Variants in FHIT observed in about 807,000 individuals in gnomAD.
FHIT encodes the protein fragile histidine triad diadenosine triphosphatase, also known as bis(5'-adenosyl)-triphosphatase.
FHIT carries 19 observed loss-of-function variants against 17.9 expected under a neutral mutation model. The observed-to-expected ratio is 1.06, with a 90% confidence interval of 0.74 to 1.56. The LOEUF (loss-of-function observed/expected upper bound fraction) is 1.56. FHIT is among the 40% of genes most tolerant of loss of function. FHIT has a pLI of 0.00. For missense variants in FHIT, 248 were observed against 189.2 expected, an observed-to-expected ratio of 1.31 and a Z score of -1.82; for synonymous variants, 81 against 69.7, an observed-to-expected ratio of 1.16 and a Z score of -0.81.
At chr3:60,452,427 G>A (rs1049938580) in intron 5 of FHIT, among the ~76,000 whole-genome samples, 3 of 151,968 alleles carry the variant, frequency 2.0e-5, no homozygotes, top group African/African-American at 7.3e-5. Context: ...GAAAGTAAGT[G>A]GTAACATAGT....
At chr3:61,198,909 ATGATGATG>A (rs1380638499) in intron 2 of FHIT, among the ~76,000 whole-genome samples, 7 of 149,702 alleles carry the variant, frequency 4.7e-5, no homozygotes, top group African/African-American at 1.5e-4. Flanking sequence ...GATGATGATG[ATGATGATG>A]ATGATGATGA....
chr3:60,410,889 T>C (rs1001235833), intron 5 of FHIT, among the ~76,000 whole-genome samples: 2 of 152,116 alleles, frequency 1.3e-5, no homozygotes, highest in East Asian at 3.9e-4. Context: ...CTCTTTCCTA[T>C]ATGGAGTAAT....
At chr3:60,281,408 A>C (rs1027763798) in intron 5 of FHIT, among the ~76,000 whole-genome samples, 1 of 152,154 alleles carries the variant, frequency 6.6e-6, no homozygotes, top group Non-Finnish European at 1.5e-5. Context: ...AAGTTGAAGG[A>C]GTGATACTAC....
At chr3:59,950,558 C>CTCGTT (rs1366449354) in intron 7 of FHIT, among the ~76,000 whole-genome samples, 4 of 119,196 alleles carry the variant, frequency 3.4e-5, no homozygotes, top group African/African-American at 9.9e-5. Context: ...TGTTTGTTTA[C>CTCGTT]TTGTTTTCTT....
At chr3:60,009,871 T>G (rs1222142519) in intron 7 of FHIT, among the ~76,000 whole-genome samples, 1 of 152,230 alleles carries the variant, frequency 6.6e-6, no homozygotes, top group African/African-American at 2.4e-5. Context: ...AGCAAATATT[T>G]TCTATCCCGC....
At chr3:60,117,271 G>C (rs1359239928) in intron 5 of FHIT, among the ~76,000 whole-genome samples, 1 of 152,050 alleles carries the variant, frequency 6.6e-6, no homozygotes, top group Non-Finnish European at 1.5e-5. Context: ...TGGAATGAAA[G>C]AAGTTGGGTA....
intron 5 of FHIT, among the ~76,000 whole-genome samples, chr3:60,034,897 T>A (rs1428409985): frequency 6.6e-6 from 1 of 152,272 alleles, no homozygotes; most frequent in African/African-American, 2.4e-5. Context: ...GTTTGTTTGA[T>A]GCAAATTAAA....
intron 5 of FHIT, among the ~76,000 whole-genome samples, chr3:60,381,795 T>C (rs1234230360): frequency 7.0e-6 from 1 of 142,070 alleles, no homozygotes; most frequent in Non-Finnish European, 1.5e-5. Flanking sequence ...AGAGGCTTAA[T>C]AGTGTGATGA....
At chr3:60,566,963 T>C (rs1198041484) in intron 4 of FHIT, among the ~76,000 whole-genome samples, 7 of 145,788 alleles carry the variant, frequency 4.8e-5, no homozygotes, top group Non-Finnish European at 9.1e-5. Context: ...TAAAAGAGGA[T>C]ACAAACAAAT....
chr3:59,988,445 T>C (rs1449975236), intron 7 of FHIT, among the ~76,000 whole-genome samples: 2 of 152,094 alleles, frequency 1.3e-5, no homozygotes, highest in Admixed American at 6.6e-5. Flanking sequence ...TTTAAATAAA[T>C]AGACTTTTAC....
intron 4 of FHIT, among the ~76,000 whole-genome samples, chr3:60,774,689 G>A (rs563248908): frequency 6.8e-4 from 103 of 152,226 alleles, no homozygotes; most frequent in African/African-American, 2.4e-3. Flanking sequence ...TTTGTGCTTT[G>A]GAATCATTAG....
At chr3:61,151,466 CTATTAA>C (rs1472940032) in intron 2 of FHIT, among the ~76,000 whole-genome samples, 2 of 152,098 alleles carry the variant, frequency 1.3e-5, no homozygotes, top group African/African-American at 4.8e-5. Context: ...ATGTATATTA[CTATTAA>C]TATGTATCCA....
intron 4 of FHIT, chr3:60,690,652 T>C: frequency 1.9e-6 from 1 of 513,264 alleles, no homozygotes. Flanking sequence ...TGCAAACAGC[T>C]CGAAGGAGAC....
chr3:60,864,458 C>A (rs751887933), intron 3 of FHIT, among the ~76,000 whole-genome samples: 2 of 152,052 alleles, frequency 1.3e-5, no homozygotes, highest in Non-Finnish European at 2.9e-5. Flanking sequence ...GGTGAGGAGG[C>A]CTCACAGAAG....
chr3:61,036,943 G>A (rs2033282921), intron 3 of FHIT, among the ~76,000 whole-genome samples: 3 of 138,110 alleles, frequency 2.2e-5, no homozygotes, highest in South Asian at 4.6e-4. Flanking sequence ...ATGGAGTCTC[G>A]CTCTTTCGCC....
chr3:60,848,081 G>A (rs1431998957), intron 3 of FHIT, among the ~76,000 whole-genome samples: 1 of 152,126 alleles, frequency 6.6e-6, no homozygotes, highest in Non-Finnish European at 1.5e-5. Context: ...GCTCCCAAAT[G>A]ACTGAATCCA....
chr3:60,432,634 A>G (rs1037466287), intron 5 of FHIT, among the ~76,000 whole-genome samples: 1 of 152,112 alleles, frequency 6.6e-6, no homozygotes, highest in East Asian at 1.9e-4. Flanking sequence ...TAATTTTCAC[A>G]GCTAAACAAT....
At chr3:60,153,321 T>C (rs1332516338) in intron 5 of FHIT, among the ~76,000 whole-genome samples, 1 of 103,168 alleles carries the variant, frequency 9.7e-6, no homozygotes, top group South Asian at 3.4e-4. Context: ...TTCCTTAAGA[T>C]AAACCGAGTG....
rs5849349 is a variant in FHIT at position 60,308,496 on chromosome 3, G to GTATATATATA, written c.103+228354_103+228363dup. Among the ~76,000 whole-genome samples, 177 of 140,906 alleles carry GTATATATATA rather than the reference G, an allele frequency of 1.3e-3. 1 individual carries two copies. Among genetic ancestry groups the GTATATATATA allele is most frequent in the South Asian group, 4.5e-3 (19 of 4,188 alleles). The allele number at this position is 140,906 out of a possible 152,430, so 92.4% of individuals were successfully genotyped here. A position where few individuals can be genotyped will look rare whatever the true frequency, so the allele number is the denominator to read the frequency against. ...TATAGGTATAGGTATAGGTGTATGT[G>GTATATATATA]TATATATATATATATATATATATAT... On this transcript the variant is annotated intron_variant, in intron 5 of 9. Transcript: ENST00000492590.
Sources: gnomAD v4.1 joint callset for allele counts (sites outside exome capture counted in the v4.1 genomes callset) on GRCh38, gnomAD v4.1.1 for gene constraint, MANE v1.5 for transcripts, NCBI Gene and HGNC (gene_info 2026-07-23, HGNC 2026-07-21) for gene names.